CXorf65: variants seen among roughly 807,000 people sequenced by gnomAD.
The protein encoded by CXorf65 is chromosome X open reading frame 65, also known as uncharacterized protein CXorf65.
For missense variants in CXorf65, 137 were observed against 144.7 expected, an observed-to-expected ratio of 0.95 and a Z score of 0.27; for synonymous variants, 54 against 51.4, an observed-to-expected ratio of 1.05 and a Z score of -0.21.
intron 3 of CXorf65, 21 bp from the exon 4 acceptor site, chrX:71,104,858 T>G: frequency 8.4e-7 from 1 of 1,190,087 alleles, no homozygotes; most frequent in Non-Finnish European, 1.1e-6. Context: ...AGCCATGTGC[T>G]ATCTCCAGCC....
intron 3 of CXorf65, among the ~76,000 whole-genome samples, chrX:71,105,355 C>T (rs961573314): frequency 9.0e-6 from 1 of 111,403 alleles, no homozygotes; most frequent in Non-Finnish European, 1.9e-5. Flanking sequence ...CACCTGAGGT[C>T]AGGAGTTCAA....
At chrX:71,104,688 G>T (rs961564513) in intron 4 of CXorf65, 81 bp downstream of exon 4, 8 of 974,841 alleles carry the variant, frequency 8.2e-6, no homozygotes, top group African/African-American at 3.8e-5. Flanking sequence ...ACCATATCAC[G>T]CTAGTCCCAC....
Position 71,104,810 on chromosome X carries a change from G to A in CXorf65, c.278C>T (p.Ala93Val). The A allele has an allele frequency of 1.7e-6, 2 of 1,211,057 alleles. No individual in the cohort carries two copies. The highest frequency in any genetic ancestry group is 2.2e-6 in the Non-Finnish European group (2 of 895,049). The change falls in exon 4 of 6, where the codon GCT becomes GTT. Residue 93 changes from alanine (A) to valine (V), a missense_variant. Ala to Val is a moderately conservative substitution (Grantham distance 64, BLOSUM62 0). Coordinates refer to ENST00000374251, the MANE Select transcript of CXorf65 (RefSeq NM_001025265.3). ...CGGATTCTTGAGGAGAGGCACAAAA[G>A]CTCTGTAAGCATTCTCCAGCCTGGT... ...PGTRLENAYR[A>V]FVPLLKNPEP...
intron 3 of CXorf65, 137 bp downstream of exon 3, chrX:71,105,863 G>A (rs538260422): frequency 3.1e-5 from 20 of 645,377 alleles, no homozygotes; most frequent in African/African-American, 1.6e-4. Context: ...CGATTCTCCC[G>A]CCTTGGCCTC....
Position 71,106,387 on chromosome X carries a change from A to G in CXorf65, c.65T>C (p.Val22Ala). ...QFLVNTNCAVVVLLYYIRSKV... is the reference protein window; with the variant it reads ...QFLVNTNCAVAVLLYYIRSKV... The stretch of plus-strand genomic sequence containing the variant: ...ACTGCGGATGTAATACAGCAACACG[A>G]CGACAGCACAGTTGGTATTGACCAG... Residue 22 changes from valine (V) to alanine (A), a missense_variant, in exon 2 of 6, where the codon GTC (valine) becomes GCC (alanine). Physicochemically the swap from Val to Ala is moderately conservative, Grantham distance 64 (BLOSUM62 0). Coordinates refer to ENST00000374251, the MANE Select transcript of CXorf65 (RefSeq NM_001025265.3). 8.3e-7 allele frequency: 1 copy of G among 1,210,732 alleles called. No individual in the cohort carries two copies. Among genetic ancestry groups the G allele is most frequent in the Non-Finnish European group, 1.1e-6 (1 of 894,734 alleles).
intron 2 of CXorf65, 92 bp from the exon 3 acceptor site, chrX:71,106,229 A>G (rs915368428): frequency 4.5e-6 from 5 of 1,102,044 alleles, no homozygotes; most frequent in Non-Finnish European, 6.2e-6. Flanking sequence ...GGTTGGAGGA[A>G]GCTCTAAGGA....
At chrX:71,106,478 C>G (rs2092249528) in intron 1 of CXorf65, 52 bp from the exon 2 acceptor site, 1 of 1,192,036 alleles carries the variant, frequency 8.4e-7, no homozygotes, top group Non-Finnish European at 1.1e-6. Flanking sequence ...ATCTCCACTG[C>G]CCTCAGATCC....
intron 3 of CXorf65, among the ~76,000 whole-genome samples, chrX:71,105,555 G>A (rs748628996): frequency 1.1e-4 from 9 of 79,792 alleles, no homozygotes; most frequent in African/African-American, 4.2e-4. Flanking sequence ...CAACAAGAGC[G>A]AAACTCTGTC....
chrX:71,104,008 T>C lies in CXorf65; in HGVS notation c.531A>G (p.Lys177=). ...AGTATTACTTCTTTTGCTTGGTGGTTTTATTGAGTTGGCGACCTTTATTCT... is the reference window on the plus strand; with the variant it reads ...AGTATTACTTCTTTTGCTTGGTGGTCTTATTGAGTTGGCGACCTTTATTCT... ...FRKNKGRQLN[K]TTKQKK The change falls in exon 6 of 6, where the codon AAA becomes AAG. Residue 177 remains lysine, a synonymous_variant. Transcript: ENST00000374251. 8.3e-7 allele frequency: 1 copy of C among 1,209,620 alleles called. No homozygotes were observed. Among genetic ancestry groups the C allele is most frequent in the East Asian group, 3.0e-5 (1 of 33,790 alleles).
rs1054321067 is a variant in CXorf65 at position 71,104,033 on chromosome X, T to C, written c.506A>G (p.Lys169Arg). 5.0e-6 allele frequency: 6 copies of C among 1,206,983 alleles called. No homozygotes were observed. The African/African-American group carries it at 7.0e-5, about 14-fold the overall frequency. Residue 169 changes from lysine (K) to arginine (R), a missense_variant, in exon 6 of 6, where the codon AAG (lysine) becomes AGG (arginine). Physicochemically the swap from Lys to Arg is conservative, Grantham distance 26. Transcript: ENST00000374251. ...PTFRNRPDFR[K>R]NKGRQLNKTT... Reference sequence around the variant, plus strand: ...TTTATTGAGTTGGCGACCTTTATTCTTCCTGAAGTCTGGTCTGTTCCTAAA... The same window carrying C: ...TTTATTGAGTTGGCGACCTTTATTCCTCCTGAAGTCTGGTCTGTTCCTAAA...
intron 3 of CXorf65, 124 bp from the exon 4 acceptor site, chrX:71,104,961 C>A: frequency 1.6e-6 from 1 of 616,001 alleles, no homozygotes; most frequent in Non-Finnish European, 2.5e-6. Flanking sequence ...CGCCTGTAAT[C>A]CCAGCATTTT....
chrX:71,104,566 TG>T (rs1031430527), intron 4 of CXorf65, 162 bp from the exon 5 acceptor site: 29 of 488,247 alleles, frequency 5.9e-5, no homozygotes, highest in Non-Finnish European at 8.5e-5. Context: ...GGCCAAGAAA[TG>T]GGGGAAGTGG....
At position 71,104,021 on chromosome X, in the gene CXorf65, C is replaced by A; in HGVS notation, c.518G>T (p.Arg173Leu). 1.7e-6 allele frequency: 2 copies of A among 1,209,068 alleles called. No individual in the cohort carries two copies. The highest frequency in any genetic ancestry group is 4.6e-4 in the Middle Eastern group (2 of 4,340). The change falls in exon 6 of 6, where the codon CGC becomes CTC. Residue 173 changes from arginine (R) to leucine (L), a missense_variant. Coordinates refer to ENST00000374251, the MANE Select transcript of CXorf65 (RefSeq NM_001025265.3). ...TTGCTTGGTGGTTTTATTGAGTTGG[C>A]GACCTTTATTCTTCCTGAAGTCTGG... Reference protein sequence around the residue: ...NRPDFRKNKGRQLNKTTKQKK With the variant: ...NRPDFRKNKGLQLNKTTKQKK
In CXorf65 at chrX:71,106,386, G is replaced by A. The variant is rs898952839; in HGVS notation, c.66C>T (p.Val22=). 9.1e-6 allele frequency: 11 copies of A among 1,208,652 alleles called. No individual in the cohort carries two copies. Among genetic ancestry groups the A allele is most frequent in the African/African-American group, 5.3e-5 (3 of 56,910 alleles). ...QFLVNTNCAV[V]VLLYYIRSKV... ...TACTGCGGATGTAATACAGCAACAC[G>A]ACGACAGCACAGTTGGTATTGACCA... The change falls in exon 2 of 6, where the codon GTC becomes GTT. Residue 22 remains valine (V), a synonymous_variant. Transcript: ENST00000374251.
intron 4 of CXorf65, 40 bp downstream of exon 4, chrX:71,104,729 G>A (rs771302745): frequency 3.5e-6 from 4 of 1,127,876 alleles, no homozygotes; most frequent in Non-Finnish European, 4.9e-6. Flanking sequence ...GCTATATACT[G>A]TACCCTTCAT....
At position 71,106,133 on chromosome X, in the gene CXorf65, G is replaced by C. The variant is rs1166199555; in HGVS notation, c.117C>G (p.Thr39=). The stretch of plus-strand genomic sequence containing the variant: ...TCCCCGTTTGTTCACACAAATCGAT[G>C]GTGTCTGGAGGGAGATCACAGGGTA... ...RSKVKLPKTN[T]IDLCEQTGKM... Residue 39 remains threonine (T), a synonymous_variant, in exon 3 of 6, where the codon ACC becomes ACG. Coordinates refer to ENST00000374251, the MANE Select transcript of CXorf65 (RefSeq NM_001025265.3). The C allele has an allele frequency of 8.3e-7, 1 of 1,209,818 alleles. No individual in the cohort carries two copies. The highest frequency in any genetic ancestry group is 1.1e-6 in the Non-Finnish European group (1 of 894,375).
chrX:71,104,221 G>T, intron 5 of CXorf65, 77 bp downstream of exon 5: 1 of 1,114,522 alleles, frequency 9.0e-7, no homozygotes, highest in Admixed American at 2.4e-5. Flanking sequence ...CATCTCAGAG[G>T]GCTGGGGTGT....
rs192727717 is a variant in CXorf65 at position 71,104,687 on chromosome X, C to T, written c.319+82G>A. On this transcript the variant is annotated intron_variant, in intron 4 of 5. Transcript: ENST00000374251. ...TCCTATCATCTGACCTACCATATCA[C>T]GCTAGTCCCACCCTACATTCTCCAT... 1.4e-3 allele frequency: 1,348 copies of T among 974,707 alleles called. 14 individuals are homozygous for T. In the African/African-American group the frequency reaches 0.021, roughly 15 times the overall value. The allele number at this position is 974,707 out of a possible 1,213,427, so 80.3% of individuals were successfully genotyped here.
intron 3 of CXorf65, among the ~76,000 whole-genome samples, 164 bp from the exon 4 acceptor site, chrX:71,105,001 G>A (rs1321956466): frequency 1.8e-5 from 2 of 111,517 alleles, no homozygotes; most frequent in African/African-American, 6.5e-5. Context: ...ATCACTTGAG[G>A]TCAGGAGTTC....
Sources: gnomAD v4.1 joint callset for allele counts (sites outside exome capture counted in the v4.1 genomes callset) on GRCh38, gnomAD v4.1.1 for gene constraint, MANE v1.5 for transcripts, NCBI Gene and HGNC (gene_info 2026-07-23, HGNC 2026-07-21) for gene names.